Variants in FCRL3 observed in about 807,000 individuals in gnomAD.
FCRL3 encodes Fc receptor like 3.
FCRL3 carries 89 observed loss-of-function variants against 75.0 expected under a neutral mutation model. The observed-to-expected ratio is 1.19, with a 90% CI of 1.00 to 1.42. The LOEUF (loss-of-function observed/expected upper bound fraction) is 1.42. Among genes scored for constraint, FCRL3 ranks in the 40% most tolerant of loss-of-function variants. FCRL3 has a pLI of 0.00. For missense variants in FCRL3, 946 were observed against 880.0 expected (o/e 1.07, Z -0.95); for synonymous variants, 376 against 348.5 (o/e 1.08, Z -0.88).
chr1:157,700,759 T>G lies in FCRL3; in HGVS notation c.-194A>C. On this transcript the variant is annotated 5_prime_UTR_variant, in exon 1 of 15. Transcript: ENST00000368184. ...GCTGCAGTCTCTCAGGAGTAATGTC[T>G]CCAAGACTGTGCCTGGGTTCTCTAG... 1.5e-6 allele frequency: 2 copies of G among 1,326,298 alleles called. No individual in the cohort carries two copies. Among genetic ancestry groups the G allele is most frequent in the Non-Finnish European group, 1.9e-6 (2 of 1,032,520 alleles). 82.2% of individuals were successfully genotyped at this position (1,326,298 alleles called of 1,614,324 possible).
In FCRL3 at chr1:157,695,524, A is replaced by C. The variant is rs1655828377; in HGVS notation, c.1216T>G (p.Ser406Ala). The change falls in exon 8 of 15, where the codon TCC becomes GCC. Residue 406 changes from serine to alanine, a missense_variant. Ser to Ala is a moderately conservative substitution (Grantham distance 99). Transcript: ENST00000368184. Reference protein sequence around the residue: ...VGDLLELHCESLRGSPPILYR... With the variant: ...VGDLLELHCEALRGSPPILYR... Reference sequence around the variant, plus strand: ...AGGATCGGGGGAGAGCCTCTCAGGGACTCACAGTGAAGCTCCAGCAGGTCC... The same window carrying C: ...AGGATCGGGGGAGAGCCTCTCAGGGCCTCACAGTGAAGCTCCAGCAGGTCC... The C allele has an allele frequency of 6.2e-7, 1 of 1,614,060 alleles. No individual in the cohort carries two copies. Among genetic ancestry groups the C allele is most frequent in the South Asian group, 1.1e-5 (1 of 91,076 alleles).
chr1:157,699,254 G>A (rs1261540439), intron 3 of FCRL3, among the ~76,000 whole-genome samples: 1 of 152,226 alleles, frequency 6.6e-6, no homozygotes, highest in Non-Finnish European at 1.5e-5. Context: ...AGGCATGGAA[G>A]TGAGGTGTGG....
At chr1:157,696,854 T>C (rs6681271) in intron 6 of FCRL3, 144,958 of 274,288 alleles carry the variant, frequency 0.53, 41,731 homozygotes, top group African/African-American at 0.86. Flanking sequence ...ATGTGTTCAG[T>C]TGTGCTTCTA....
At position 157,697,923 on chromosome 1, in the gene FCRL3, C is replaced by T. The variant is rs903380057; in HGVS notation, c.299-4G>A. On this transcript the variant is annotated splice_region_variant and splice_polypyrimidine_tract_variant and intron_variant, in intron 4 of 14. Transcript: ENST00000368184. ...AAAGCCTGCAGGATCAGCCAGTCTG[C>T]AAAGAGCACAGGAGCACACTCAGGT... 2 of 1,613,040 alleles carry T rather than the reference C, an allele frequency of 1.2e-6. No individual in the cohort carries two copies. Among genetic ancestry groups the T allele is most frequent in the Non-Finnish European group, 1.7e-6 (2 of 1,179,722 alleles).
chr1:157,696,364 G>A (rs756045540), intron 6 of FCRL3, 37 bp from the exon 7 acceptor site: 2 of 1,606,858 alleles, frequency 1.2e-6, no homozygotes, highest in East Asian at 4.5e-5. Flanking sequence ...AGGTCCTGAT[G>A]GCAGGGACAT....
intron 6 of FCRL3, 107 bp from the exon 7 acceptor site, chr1:157,696,434 G>T: frequency 1.7e-6 from 2 of 1,178,322 alleles, no homozygotes; most frequent in Non-Finnish European, 2.4e-6. Flanking sequence ...GGTGCAGCAG[G>T]CAGAAGCCCA....
Position 157,679,308 on chromosome 1 carries a change from T to A in FCRL3, c.2027-335A>T, listed in dbSNP as rs146651752. On this transcript the variant is annotated intron_variant, in intron 13 of 14. Coordinates refer to ENST00000368184, the MANE Select transcript of FCRL3 (RefSeq NM_052939.4). ...TTCCTTCTTGCTCCTCTGCTCATTA[T>A]AACCCCAGAGGGGCACCCACCCCCA... 1.0e-3 allele frequency: 382 copies of A among 372,820 alleles called. 1 individual carries two copies. The Middle Eastern group carries it at 0.01, about 10-fold the overall frequency. 23.1% of individuals were successfully genotyped at this position (372,820 alleles called of 1,614,324 possible).
Position 157,676,947 on chromosome 1 carries a change from A to G in FCRL3, c.*1763T>C, listed in dbSNP as rs1011009058. On this transcript the variant is annotated 3_prime_UTR_variant, in exon 15 of 15. Transcript: ENST00000368184. ...ACCGGTTTACATATTTTCACCATAG[A>G]GAAAAAAACAGCAGAATGTATCACA... The G allele has an allele frequency of 1.4e-6, 2 of 1,407,788 alleles. No homozygotes were observed. Among genetic ancestry groups the G allele is most frequent in the African/African-American group, 1.4e-5 (1 of 69,182 alleles). The allele number at this position is 1,407,788 out of a possible 1,614,324, so 87.2% of individuals were successfully genotyped here.
In FCRL3 at chr1:157,676,801, C is replaced by G. The variant is rs1228642156; in HGVS notation, c.*1909G>C. On this transcript the variant is annotated 3_prime_UTR_variant, in exon 15 of 15. Transcript: ENST00000368184. ...ATGGATAAACAATGATAAGAGATGA[C>G]AGGTCCCTTAGAGAAAGTTCACTAT... 2.6e-6 allele frequency: 4 copies of G among 1,549,530 alleles called. No individual in the cohort carries two copies. The highest frequency in any genetic ancestry group is 4.9e-5 in the East Asian group (2 of 40,872).
rs749354175 is a variant in FCRL3 at position 157,690,270 on chromosome 1, T to C, written c.1675A>G (p.Thr559Ala). 1.9e-6 allele frequency: 3 copies of C among 1,614,238 alleles called. No individual in the cohort carries two copies. Among genetic ancestry groups the C allele is most frequent in the Non-Finnish European group, 2.5e-6 (3 of 1,180,032 alleles). Residue 559 changes from threonine (T) to alanine (A), a missense_variant, in exon 9 of 15, where the codon ACA becomes GCA. Transcript: ENST00000368184. ...ATTAACACACCTGTAACATTGAGTG[T>C]CACCACTTTACTGTGCTGGGCCCCC... ...GLGAQHSKVVTLNVTGTSRNR... is the reference protein window; with the variant it reads ...GLGAQHSKVVALNVTGTSRNR...
chr1:157,693,274 C>CAAAAAAAA, intron 8 of FCRL3, among the ~76,000 whole-genome samples: 1 of 54,794 alleles, frequency 1.8e-5, no homozygotes, highest in Non-Finnish European at 3.5e-5. Flanking sequence ...GACTCCATCT[C>CAAAAAAAA]AAAAAAAAAA....
chr1:157,676,951 A>C lies in FCRL3; in HGVS notation c.*1759T>G. On this transcript the variant is annotated 3_prime_UTR_variant, in exon 15 of 15. Transcript: ENST00000368184. The stretch of plus-strand genomic sequence containing the variant: ...GTTTACATATTTTCACCATAGAGAA[A>C]AAAACAGCAGAATGTATCACATAGA... 7.1e-7 allele frequency: 1 copy of C among 1,406,376 alleles called. No homozygotes were observed. Among genetic ancestry groups the C allele is most frequent in the South Asian group, 1.5e-5 (1 of 65,056 alleles). The allele number at this position is 1,406,376 out of a possible 1,614,324, so 87.1% of individuals were successfully genotyped here. A position where few individuals can be genotyped will look rare whatever the true frequency, so the allele number is the denominator to read the frequency against.
chr1:157,697,529 C>T, intron 5 of FCRL3, 105 bp from the exon 6 acceptor site: 2 of 1,461,730 alleles, frequency 1.4e-6, no homozygotes, highest in Non-Finnish European at 1.8e-6. Context: ...GAGAAGCATG[C>T]AGAAGGAACC....
chr1:157,694,141 T>A (rs964125296), intron 8 of FCRL3, among the ~76,000 whole-genome samples: 1 of 152,228 alleles, frequency 6.6e-6, no homozygotes, highest in Non-Finnish European at 1.5e-5. Flanking sequence ...CACAAATATA[T>A]GTTATTAATA....
Position 157,687,461 on chromosome 1 carries a change from T to C in FCRL3, c.1810+2337A>G, listed in dbSNP as rs575846269. Among the ~76,000 whole-genome samples, 14 of 126,890 alleles carry C rather than the reference T, an allele frequency of 1.1e-4. No individual in the cohort carries two copies. In the East Asian group the frequency reaches 3.2e-3, roughly 29 times the overall value. The allele number at this position is 126,890 out of a possible 152,430, so 83.2% of individuals were successfully genotyped here. ...TATACGCTCACAAAAAAATAAATCA[T>C]TCTGTCAAAAAGACACATGCACTCA... On this transcript the variant is annotated intron_variant, in intron 10 of 14. Coordinates refer to ENST00000368184, the MANE Select transcript of FCRL3 (RefSeq NM_052939.4).
intron 8 of FCRL3, among the ~76,000 whole-genome samples, chr1:157,692,402 C>T (rs1655606079): frequency 6.6e-6 from 1 of 151,966 alleles, no homozygotes; most frequent in Non-Finnish European, 1.5e-5. Flanking sequence ...CCACGCCTTG[C>T]TATTCTTTTG....
chr1:157,699,502 GA>G (rs74599050), intron 3 of FCRL3, among the ~76,000 whole-genome samples, 189 bp downstream of exon 3: 3,547 of 131,668 alleles, frequency 0.027, 102 homozygotes, highest in African/African-American at 0.074. Context: ...AATGTAGGGA[GA>G]AAAAAAAAAA....
chr1:157,699,877 C>T (rs563855841), intron 2 of FCRL3, among the ~76,000 whole-genome samples, 165 bp from the exon 3 acceptor site: 4 of 152,284 alleles, frequency 2.6e-5, no homozygotes, highest in South Asian at 2.1e-4. Context: ...ATTTTACAAA[C>T]GTGATGGCTT....
At chr1:157,679,875 T>TTCATGTG (rs1236780558) in intron 13 of FCRL3, among the ~76,000 whole-genome samples, 1 of 127,024 alleles carries the variant, frequency 7.9e-6, no homozygotes, top group Non-Finnish European at 1.7e-5. Flanking sequence ...AGAAACTCAG[T>TTCATGTG]TCATGTGATC....
Sources: allele counts gnomAD v4.1 joint callset (sites outside exome capture counted in the v4.1 genomes callset), GRCh38; gene constraint gnomAD v4.1.1; transcripts MANE v1.5; gene names NCBI Gene and HGNC (gene_info 2026-07-23, HGNC 2026-07-21).